The following LARP4 variants were observed in gnomAD, a reference collection of about 807,000 sequenced individuals.
LARP4 encodes la-related protein 4.
A neutral mutation model predicts 92.9 loss-of-function variants in LARP4; 29 were observed. The observed-to-expected ratio is 0.31, with a 90% CI of 0.23 to 0.43. LARP4 has a LOEUF of 0.43. Among genes scored for constraint, LARP4 ranks in the 20% least tolerant of loss-of-function variants. The pLI is 1.00. For missense variants in LARP4, 732 were observed against 860.0 expected (o/e 0.85, Z 1.86); for synonymous variants, 279 against 284.1 (o/e 0.98, Z 0.18).
chr12:50,409,940 G>T (rs965189083), intron 1 of LARP4, among the ~76,000 whole-genome samples: 1 of 151,620 alleles, frequency 6.6e-6, no homozygotes, highest in Non-Finnish European at 1.5e-5. Flanking sequence ...TTACACACAG[G>T]TACCACCATG....
intron 8 of LARP4, among the ~76,000 whole-genome samples, chr12:50,442,812 G>A (rs1294369938): frequency 1.3e-5 from 2 of 152,154 alleles, no homozygotes; most frequent in Non-Finnish European, 2.9e-5. Flanking sequence ...GGAAGAACTA[G>A]GATAACAGTG....
intron 1 of LARP4, among the ~76,000 whole-genome samples, chr12:50,419,197 T>TA (rs1947335616): frequency 1.3e-5 from 2 of 151,536 alleles, no homozygotes; most frequent in Admixed American, 1.3e-4. Context: ...CCCATCTCTG[T>TA]AAAAAATACA....
chr12:50,460,055 C>T (rs1467975071), intron 10 of LARP4, among the ~76,000 whole-genome samples: 4 of 150,862 alleles, frequency 2.7e-5, no homozygotes, highest in Non-Finnish European at 5.9e-5. Flanking sequence ...GAATCGCTTG[C>T]ATCTGGGAGG....
chr12:50,419,673 A>G (rs1947412943), intron 1 of LARP4, among the ~76,000 whole-genome samples: 1 of 152,190 alleles, frequency 6.6e-6, no homozygotes, highest in African/African-American at 2.4e-5. Flanking sequence ...TTCGGAGACC[A>G]AGGTGAGATG....
At chr12:50,469,693 GA>G (rs1956676572) in intron 13 of LARP4, among the ~76,000 whole-genome samples, 1 of 150,520 alleles carries the variant, frequency 6.6e-6, no homozygotes, top group Admixed American at 6.7e-5. Context: ...AGTGGATCAT[GA>G]GGTCAGGAGT....
intron 13 of LARP4, among the ~76,000 whole-genome samples, chr12:50,469,493 T>C (rs539410277): frequency 2.7e-5 from 4 of 149,298 alleles, no homozygotes; most frequent in African/African-American, 9.9e-5. Context: ...AGTTCCAGCT[T>C]CTCCGGAGGC....
chr12:50,465,570 T>C (rs1209647202), intron 12 of LARP4, among the ~76,000 whole-genome samples: 2 of 152,046 alleles, frequency 1.3e-5, no homozygotes, highest in African/African-American at 4.8e-5. Flanking sequence ...ACATAGTAAT[T>C]GGAGTGATAA....
At chr12:50,437,093 T>C (rs1397809672) in intron 5 of LARP4, among the ~76,000 whole-genome samples, 1 of 152,202 alleles carries the variant, frequency 6.6e-6, no homozygotes, top group Non-Finnish European at 1.5e-5. Context: ...TAACTGCTTA[T>C]TTTATTCTAC....
At chr12:50,437,592 T>C (rs766849111) in intron 5 of LARP4, 143 bp from the exon 6 acceptor site, 26 of 537,414 alleles carry the variant, frequency 4.8e-5, no homozygotes, top group Non-Finnish European at 6.3e-5. Context: ...TAATCTTTGA[T>C]TCTACAACTT....
At chr12:50,428,822 T>C in intron 2 of LARP4, 113 bp from the exon 3 acceptor site, 1 of 767,742 alleles carries the variant, frequency 1.3e-6, no homozygotes, top group Non-Finnish European at 2.0e-6. Context: ...GCGGACATAT[T>C]TCAAACTGGT....
At chr12:50,426,684 G>GCTGTGT (rs1555232613) in intron 1 of LARP4, among the ~76,000 whole-genome samples, 2 of 86,174 alleles carry the variant, frequency 2.3e-5, no homozygotes, top group Non-Finnish European at 4.1e-5. Context: ...TTATGTTTGG[G>GCTGTGT]GTGTGTGTGT....
chr12:50,434,198 T>G (rs1228621890), intron 4 of LARP4, among the ~76,000 whole-genome samples: 4 of 152,218 alleles, frequency 2.6e-5, no homozygotes, highest in South Asian at 2.1e-4. Context: ...AACAGTACTC[T>G]TTGAGAAGGG....
At chr12:50,444,854 T>C (rs965250922) in intron 8 of LARP4, among the ~76,000 whole-genome samples, 1 of 152,322 alleles carries the variant, frequency 6.6e-6, no homozygotes, top group African/African-American at 2.4e-5. Flanking sequence ...TGGTGTTTGT[T>C]ACAGTACCAA....
At chr12:50,460,495 A>ATT (rs1031760593) in intron 10 of LARP4, among the ~76,000 whole-genome samples, 1 of 139,878 alleles carries the variant, frequency 7.1e-6, no homozygotes, top group Non-Finnish European at 1.6e-5. Context: ...GCACATTTTA[A>ATT]TTTTTTTTTG....
At chr12:50,473,834 G>C (rs1421938730) in intron 14 of LARP4, among the ~76,000 whole-genome samples, 165 bp from the exon 15 acceptor site, 1 of 146,544 alleles carries the variant, frequency 6.8e-6, no homozygotes, top group Non-Finnish European at 1.5e-5. Flanking sequence ...GGGGGGTGCG[G>C]GGCGGGCAGA....
chr12:50,454,658 A>G (rs560359650), intron 10 of LARP4: 1 of 347,852 alleles, frequency 2.9e-6, no homozygotes, highest in Non-Finnish European at 5.2e-6. Context: ...AAAAGAGAAT[A>G]GAAAAAATAT....
At chr12:50,409,337 A>G (rs976084825) in intron 1 of LARP4, among the ~76,000 whole-genome samples, 1 of 152,138 alleles carries the variant, frequency 6.6e-6, no homozygotes, top group Non-Finnish European at 1.5e-5. Flanking sequence ...ATTAATATCT[A>G]TCACGTAGGG....
At chr12:50,459,443 G>A (rs765888969) in intron 10 of LARP4, among the ~76,000 whole-genome samples, 2 of 152,132 alleles carry the variant, frequency 1.3e-5, no homozygotes, top group Admixed American at 6.5e-5. Flanking sequence ...TGTATGTAAT[G>A]TATGTATCTG....
chr12:50,478,880 A>G lies in LARP4; in HGVS notation c.*3016A>G, dbSNP rs556262959. 4 of 152,302 alleles carry G rather than the reference A, an allele frequency of 2.6e-5. No individual in the cohort carries two copies. The East Asian group carries it at 7.7e-4, about 29-fold the overall frequency. The allele number at this position is 152,302 out of a possible 1,614,324, so 9.4% of individuals were successfully genotyped here. A position where few individuals can be genotyped will look rare whatever the true frequency, so the allele number is the denominator to read the frequency against. ...GTTTTGAGGAATATAAGAGCTTTCA[A>G]TGATAAAGGTTTGTTGTAGTTGTCT... On this transcript the variant is annotated 3_prime_UTR_variant, in exon 16 of 16. Transcript: ENST00000398473.
Sources: gnomAD v4.1 joint callset for allele counts (sites outside exome capture counted in the v4.1 genomes callset) on GRCh38, gnomAD v4.1.1 for gene constraint, MANE v1.5 for transcripts, NCBI Gene and HGNC (gene_info 2026-07-23, HGNC 2026-07-21) for gene names.